ATL2: variants seen among roughly 807,000 people sequenced by gnomAD.
ATL2 encodes atlastin-2.
ATL2 carries 31 observed loss-of-function variants against 73.9 expected under a neutral mutation model. The observed-to-expected ratio is 0.42, with a 90% CI of 0.32 to 0.57. The LOEUF (loss-of-function observed/expected upper bound fraction) is 0.57. Among genes scored for constraint, ATL2 ranks in the 20% least tolerant of loss-of-function variants. The probability of loss-of-function intolerance (pLI) is 0.14; values close to 1 mark genes in which losing one functional copy is unlikely to be tolerated. For synonymous variants in ATL2, 291 were observed against 237.5 expected, an observed-to-expected ratio of 1.23 and a Z score of -2.07; for missense variants, 738 against 702.6, an observed-to-expected ratio of 1.05 and a Z score of -0.57.
intron 1 of ATL2, among the ~76,000 whole-genome samples, chr2:38,368,522 G>A (rs1440098555): frequency 1.3e-5 from 2 of 152,146 alleles, no homozygotes; most frequent in Non-Finnish European, 1.5e-5. Flanking sequence ...AAAGTGCTGG[G>A]ATTACAGGCA....
chr2:38,296,756 G>A, intron 12 of ATL2: 1 of 1,550,512 alleles, frequency 6.4e-7, no homozygotes, highest in Non-Finnish European at 8.7e-7. Context: ...TGTTGACACA[G>A]CACAGATCTC....
intron 2 of ATL2, 39 bp from the exon 3 acceptor site, chr2:38,319,058 TAAG>T: frequency 6.3e-7 from 1 of 1,583,764 alleles, no homozygotes; most frequent in African/African-American, 1.4e-5. Flanking sequence ...ACAACACAAT[TAAG>T]AAATAAAAGA....
At chr2:38,335,876 TAAAAATACA>T (rs1310851303) in intron 2 of ATL2, among the ~76,000 whole-genome samples, 1 of 152,030 alleles carries the variant, frequency 6.6e-6, no homozygotes, top group African/African-American at 2.4e-5. Context: ...CCGTCTCTAC[TAAAAATACA>T]AAAAACTAGC....
At chr2:38,368,424 G>A (rs1030376944) in intron 1 of ATL2, among the ~76,000 whole-genome samples, 1 of 151,840 alleles carries the variant, frequency 6.6e-6, no homozygotes, top group Admixed American at 6.6e-5. Context: ...GGCTAATTTT[G>A]TATTTTTAGT....
At chr2:38,325,055 C>T (rs1431796115) in intron 2 of ATL2, among the ~76,000 whole-genome samples, 1 of 152,148 alleles carries the variant, frequency 6.6e-6, no homozygotes, top group Non-Finnish European at 1.5e-5. Context: ...GTATATCTTA[C>T]CACAATTTTA....
intron 1 of ATL2, among the ~76,000 whole-genome samples, chr2:38,370,448 C>CAA (rs55964015): frequency 0.013 from 691 of 55,166 alleles, 37 homozygotes; most frequent in Middle Eastern, 0.071. Context: ...GACTCTGTCC[C>CAA]AAAAAAAAAA....
chr2:38,318,528 G>A lies in ATL2; in HGVS notation c.603+7C>T, dbSNP rs1303813945. ...AACTGATCGCACCACTTAATCTTGTGTCTCACCTGGACAGAGCTAGTCATA... is the reference window on the plus strand; with the variant it reads ...AACTGATCGCACCACTTAATCTTGTATCTCACCTGGACAGAGCTAGTCATA... On this transcript the variant is annotated splice_region_variant and intron_variant, in intron 4 of 12. Coordinates refer to ENST00000378954, the MANE Select transcript of ATL2 (RefSeq NM_001135673.4). The A allele has an allele frequency of 1.3e-6, 2 of 1,565,640 alleles. No homozygotes were observed. Among genetic ancestry groups the A allele is most frequent in the Admixed American group, 4.1e-5 (2 of 48,348 alleles).
At chr2:38,370,282 C>G (rs1277754681) in intron 1 of ATL2, among the ~76,000 whole-genome samples, 2 of 145,108 alleles carry the variant, frequency 1.4e-5, no homozygotes, top group East Asian at 4.2e-4. Flanking sequence ...TGGTCTGTCT[C>G]TACTAAAAAT....
At chr2:38,333,027 A>G (rs1258762894) in intron 2 of ATL2, among the ~76,000 whole-genome samples, 3 of 152,014 alleles carry the variant, frequency 2.0e-5, no homozygotes, top group African/African-American at 7.3e-5. Flanking sequence ...CTTGATCTGA[A>G]AAGAAAAAGA....
At position 38,330,175 on chromosome 2, in the gene ATL2, C is replaced by T. The variant is rs1415248260; in HGVS notation, c.364-11156G>A. On this transcript the variant is annotated intron_variant, in intron 2 of 12. Transcript: ENST00000378954. ...AAACACATGATAATATCAATAAATA[C>T]AGGAAAACTATTTGACAAAATCCAA... Among the ~76,000 whole-genome samples the T allele has an allele frequency of 5.8e-5, 8 of 138,824 alleles. No individual in the cohort carries two copies. The Middle Eastern group carries it at 0.011, about 197-fold the overall frequency. 91.1% of individuals were successfully genotyped at this position (138,824 alleles called of 152,430 possible).
chr2:38,370,626 G>A (rs756849958), intron 1 of ATL2, among the ~76,000 whole-genome samples: 1 of 151,978 alleles, frequency 6.6e-6, no homozygotes, highest in Non-Finnish European at 1.5e-5. Flanking sequence ...CAAAAATTAG[G>A]CGTGGTAGCG....
rs146795429 is a variant in ATL2, at chr2:38,314,074, G to A, written c.711+534C>T. 2.6e-4 allele frequency among the ~76,000 whole-genome samples: 40 copies of A among 152,248 alleles called. No individual in the cohort carries two copies. The East Asian group carries it at 6.9e-3, about 26-fold the overall frequency. On this transcript the variant is annotated intron_variant, in intron 6 of 12. Transcript: ENST00000378954. ...GTAGCAATGCTGTCATACCGGAAAG[G>A]CTTCACACACTTAGGAGCAAACATG...
intron 9 of ATL2, among the ~76,000 whole-genome samples, chr2:38,301,278 C>G (rs367660828): frequency 6.6e-6 from 1 of 152,190 alleles, no homozygotes; most frequent in Non-Finnish European, 1.5e-5. Context: ...CTCATCTCAA[C>G]TTTCCACTGA....
At chr2:38,302,514 T>C (rs1573430018) in intron 9 of ATL2, among the ~76,000 whole-genome samples, 1 of 152,048 alleles carries the variant, frequency 6.6e-6, no homozygotes, top group African/African-American at 2.4e-5. Flanking sequence ...GCAAGACCCA[T>C]TGCTGTGCTG....
At chr2:38,303,839 G>C (rs1667308235) in intron 9 of ATL2, among the ~76,000 whole-genome samples, 1 of 152,144 alleles carries the variant, frequency 6.6e-6, no homozygotes, top group Non-Finnish European at 1.5e-5. Context: ...CAACGGTAAA[G>C]AATGGATCCT....
At chr2:38,354,320 T>G in intron 1 of ATL2, 1 of 246,430 alleles carries the variant, frequency 4.1e-6, no homozygotes, top group Non-Finnish European at 8.2e-6. Flanking sequence ...TCCAAAATAG[T>G]AAACAGATAC....
Position 38,370,407 on chromosome 2 carries a change from C to T in ATL2, c.118+6736G>A, listed in dbSNP as rs565747828. Among the ~76,000 whole-genome samples the T allele has an allele frequency of 4.7e-4, 64 of 136,020 alleles. 1 individual carries two copies. The highest frequency in any genetic ancestry group is 1.7e-3 in the African/African-American group (61 of 35,984). 89.2% of individuals were successfully genotyped at this position (136,020 alleles called of 152,430 possible). On this transcript the variant is annotated intron_variant, in intron 1 of 12. Coordinates refer to ENST00000378954, the MANE Select transcript of ATL2 (RefSeq NM_001135673.4). ...GAGGTTACAGTGAGCCAAGATCGCGCCACTGCGCTCCAGCCTGGGAGACAG... is the reference window on the plus strand; with the variant it reads ...GAGGTTACAGTGAGCCAAGATCGCGTCACTGCGCTCCAGCCTGGGAGACAG...
chr2:38,363,326 A>C (rs1671116492), intron 1 of ATL2, among the ~76,000 whole-genome samples: 1 of 146,580 alleles, frequency 6.8e-6, no homozygotes, highest in Admixed American at 6.9e-5. Context: ...ACTTCTAGAA[A>C]CCTGAAAAAA....
At chr2:38,358,727 A>T (rs1573569916) in intron 1 of ATL2, 1 of 161,978 alleles carries the variant, frequency 6.2e-6, no homozygotes, top group East Asian at 1.9e-4. Context: ...CGTTAACATG[A>T]TATACGGCTA....
Sources: gnomAD v4.1 joint callset for allele counts (sites outside exome capture counted in the v4.1 genomes callset) on GRCh38, gnomAD v4.1.1 for gene constraint, MANE v1.5 for transcripts, NCBI Gene and HGNC (gene_info 2026-07-23, HGNC 2026-07-21) for gene names.